The following CBL variants were observed in gnomAD, a reference collection of about 807,000 sequenced individuals.
CBL encodes E3 ubiquitin-protein ligase CBL.
In CBL, 45 loss-of-function variants were observed where a neutral mutation model predicts 96.9. That is an observed-to-expected ratio of 0.46 (90% CI 0.37 to 0.60). CBL has a LOEUF of 0.60. CBL is among the 20% of genes least tolerant of loss of function. CBL has a pLI of 0.00. For synonymous variants in CBL, 420 were observed against 426.8 expected, an observed-to-expected ratio of 0.98 and a Z score of 0.20; for missense variants, 1,024 against 1,143.5, an observed-to-expected ratio of 0.90 and a Z score of 1.51.
intron 2 of CBL, among the ~76,000 whole-genome samples, chr11:119,255,058 G>A (rs1422780343): frequency 1.3e-5 from 2 of 152,096 alleles, no homozygotes; most frequent in Non-Finnish European, 2.9e-5. Context: ...GGGCATAGGT[G>A]GATGTACCAT....
rs193191822 is a variant in CBL at position 119,285,684 on chromosome 11, C to A, written c.1941+118C>A. On this transcript the variant is annotated intron_variant, in intron 11 of 15. Coordinates refer to ENST00000264033, the MANE Select transcript of CBL (RefSeq NM_005188.4). ...GCCAAGGTGGGTGGATCGCTTGAGC[C>A]GAGGATTTCGAGACCAGCCTGGGGG... The A allele has an allele frequency of 4.4e-4, 491 of 1,123,436 alleles. 2 individuals carry two copies. In the East Asian group the frequency reaches 8.4e-3, roughly 19 times the overall value. The allele number at this position is 1,123,436 out of a possible 1,614,324, so 69.6% of individuals were successfully genotyped here.
chr11:119,268,426 T>C (rs1024585886), intron 2 of CBL, among the ~76,000 whole-genome samples: 1 of 152,166 alleles, frequency 6.6e-6, no homozygotes, highest in African/African-American at 2.4e-5. Context: ...TTTGAACTTG[T>C]GGGAAGTAAG....
chr11:119,266,443 CT>C (rs1247784776), intron 2 of CBL, among the ~76,000 whole-genome samples: 2 of 152,048 alleles, frequency 1.3e-5, no homozygotes, highest in East Asian at 3.8e-4. Flanking sequence ...AAAACAATAG[CT>C]ATAGTTGCTC....
At position 119,298,438 on chromosome 11, in the gene CBL, A is replaced by G. The variant is rs760842949; in HGVS notation, c.2332A>G (p.Lys778Glu). The G allele has an allele frequency of 6.2e-7, 1 of 1,614,156 alleles. No homozygotes were observed. Among genetic ancestry groups the G allele is most frequent in the East Asian group, 2.2e-5 (1 of 44,874 alleles). The change falls in exon 15 of 16, where the codon AAG becomes GAG. Residue 778 changes from lysine to glutamate, a missense_variant. This residue lies in a region of CBL where 695 missense variants were observed against 661.6 expected (regional missense o/e 1.05). Transcript: ENST00000264033. ...ENEDDGYDVP[K>E]PPVPAVLARR... ...TGAGGATGATGGGTATGATGTCCCA[A>G]AGCCACCTGTGCCGGCCGTGCTGGC...
intron 4 of CBL, 107 bp downstream of exon 4, chr11:119,274,131 G>A: frequency 2.3e-6 from 2 of 870,736 alleles, no homozygotes; most frequent in Non-Finnish European, 1.8e-6. Context: ...CTGTATGAAA[G>A]TATTTTAATT....
At chr11:119,225,049 G>GGGGT (rs1555226170) in intron 1 of CBL, among the ~76,000 whole-genome samples, 65 of 148,972 alleles carry the variant, frequency 4.4e-4, no homozygotes, top group Admixed American at 1.8e-3. Flanking sequence ...AACTCTTTGG[G>GGGGT]GTGTGTGTGT....
chr11:119,270,027 A>T lies in CBL; in HGVS notation c.444-1708A>T, dbSNP rs939134354. Among the ~76,000 whole-genome samples, 3 of 152,266 alleles carry T rather than the reference A, an allele frequency of 2.0e-5. No individual in the cohort carries two copies. In the East Asian group the frequency reaches 5.8e-4, roughly 29 times the overall value. ...AAATAAATAAATAAAGTACATTTAT[A>T]TGACAAGAATAAACTTTTGAATACA... On this transcript the variant is annotated intron_variant, in intron 2 of 15. Coordinates refer to ENST00000264033, the MANE Select transcript of CBL (RefSeq NM_005188.4).
intron 11 of CBL, among the ~76,000 whole-genome samples, chr11:119,287,113 GC>G (rs1949990150): frequency 6.6e-6 from 1 of 152,214 alleles, no homozygotes; most frequent in Admixed American, 6.5e-5. Flanking sequence ...GTTTAATATA[GC>G]CAGTACTAAA....
intron 1 of CBL, among the ~76,000 whole-genome samples, chr11:119,209,942 C>T (rs1949303758): frequency 6.6e-6 from 1 of 152,166 alleles, no homozygotes; most frequent in South Asian, 2.1e-4. Flanking sequence ...TTAGACAGAG[C>T]CACTGGTTTT....
intron 1 of CBL, among the ~76,000 whole-genome samples, chr11:119,213,156 CTT>C (rs1414631289): frequency 2.0e-5 from 3 of 152,104 alleles, no homozygotes; most frequent in Non-Finnish European, 2.9e-5. Context: ...TTCCTTCTAA[CTT>C]TTCCTGCCTT....
intron 2 of CBL, among the ~76,000 whole-genome samples, chr11:119,233,366 T>C (rs1307511417): frequency 6.6e-6 from 1 of 152,160 alleles, no homozygotes; most frequent in Admixed American, 6.6e-5. Flanking sequence ...CCTGACTAGC[T>C]GGGATTATAG....
At chr11:119,230,008 A>G (rs1949488953) in intron 1 of CBL, among the ~76,000 whole-genome samples, 1 of 152,254 alleles carries the variant, frequency 6.6e-6, no homozygotes, top group African/African-American at 2.4e-5. Flanking sequence ...ATGTTGCAGT[A>G]GTAAAGACTT....
intron 9 of CBL, among the ~76,000 whole-genome samples, chr11:119,282,630 T>C (rs1949945952): frequency 6.6e-6 from 1 of 152,126 alleles, no homozygotes; most frequent in Admixed American, 6.5e-5. Flanking sequence ...TAGAAAGACT[T>C]GTGAAAGCTG....
intron 1 of CBL, among the ~76,000 whole-genome samples, chr11:119,220,787 A>T (rs1317712489): frequency 1.3e-5 from 2 of 152,188 alleles, no homozygotes; most frequent in Non-Finnish European, 2.9e-5. Context: ...TACTGTAGTA[A>T]CTACAATTCA....
intron 2 of CBL, among the ~76,000 whole-genome samples, chr11:119,266,924 G>C (rs920264023): frequency 1.3e-5 from 2 of 152,172 alleles, no homozygotes; most frequent in African/African-American, 4.8e-5. Context: ...TGGATCTTTG[G>C]AGAATCGTTA....
chr11:119,275,875 A>G, intron 5 of CBL, 122 bp from the exon 6 acceptor site: 1 of 1,028,868 alleles, frequency 9.7e-7, no homozygotes, highest in Non-Finnish European at 1.5e-6. Context: ...AAAAGAAAGA[A>G]AGAAAGGAAG....
chr11:119,292,381 T>C (rs1950033673), intron 12 of CBL, among the ~76,000 whole-genome samples: 1 of 151,992 alleles, frequency 6.6e-6, no homozygotes, highest in Non-Finnish European at 1.5e-5. Context: ...GTCTTTTTTT[T>C]TTTTTCCATT....
intron 1 of CBL, among the ~76,000 whole-genome samples, chr11:119,219,476 T>C (rs1949390790): frequency 6.6e-6 from 1 of 151,514 alleles, no homozygotes; most frequent in African/African-American, 2.4e-5. Flanking sequence ...ATGGAGAAGG[T>C]GTTAAATTTG....
At chr11:119,293,724 T>C (rs1374958989) in intron 12 of CBL, among the ~76,000 whole-genome samples, 1 of 152,194 alleles carries the variant, frequency 6.6e-6, no homozygotes, top group African/African-American at 2.4e-5. Context: ...CATAACAGAA[T>C]ACCTGAGATT....
Sources: gnomAD v4.1 joint callset for allele counts (sites outside exome capture counted in the v4.1 genomes callset) on GRCh38, gnomAD v4.1.1 for gene constraint, gnomAD v4.1.1 regional missense constraint, MANE v1.5 for transcripts, NCBI Gene and HGNC (gene_info 2026-07-23, HGNC 2026-07-21) for gene names.